KCNQ3: variants seen among roughly 807,000 people sequenced by gnomAD.
KCNQ3 encodes the protein potassium voltage-gated channel subfamily KQT member 3.
KCNQ3 carries 30 observed loss-of-function variants against 92.5 expected under a neutral mutation model. The observed-to-expected ratio is 0.32, with a 90% CI of 0.24 to 0.44. The LOEUF is 0.44. Ranked by LOEUF, KCNQ3 falls within the 20% of genes least tolerant of loss-of-function variation. The pLI is 1.00. For synonymous variants in KCNQ3, 450 were observed against 468.8 expected (o/e 0.96, Z 0.52); for missense variants, 913 against 1,140.3 (o/e 0.80, Z 2.87).
intron 1 of KCNQ3, among the ~76,000 whole-genome samples, chr8:132,345,195 T>C (rs1818649993): frequency 1.3e-5 from 2 of 152,314 alleles, no homozygotes; most frequent in African/African-American, 4.8e-5. Flanking sequence ...AGATCGGTGA[T>C]CTGGTTAAGT....
chr8:132,246,002 ATCAAGGGACCCTTCCAGAATC>A (rs1283639343), intron 1 of KCNQ3, among the ~76,000 whole-genome samples: 5 of 152,192 alleles, frequency 3.3e-5, no homozygotes, highest in Non-Finnish European at 5.9e-5. Context: ...TAAGGAGAAA[ATCAAGGGACCCTTCCAGAATC>A]TAGACACAGA....
chr8:132,313,407 T>C (rs1213662272), intron 1 of KCNQ3, among the ~76,000 whole-genome samples: 1 of 152,134 alleles, frequency 6.6e-6, no homozygotes, highest in Non-Finnish European at 1.5e-5. Flanking sequence ...ATTTATAACA[T>C]GAATGCAAAT....
chr8:132,356,854 CAG>C (rs1202836261), intron 1 of KCNQ3, among the ~76,000 whole-genome samples: 1 of 152,176 alleles, frequency 6.6e-6, no homozygotes, highest in African/African-American at 2.4e-5. Flanking sequence ...AGACAAAAAA[CAG>C]AGAGTGACGA....
intron 1 of KCNQ3, among the ~76,000 whole-genome samples, chr8:132,400,677 A>G (rs1820309361): frequency 6.6e-6 from 1 of 152,232 alleles, no homozygotes; most frequent in Non-Finnish European, 1.5e-5. Flanking sequence ...CTGTAAGGAA[A>G]ACAATCACAG....
At chr8:132,200,306 C>T (rs1827419600) in intron 1 of KCNQ3, among the ~76,000 whole-genome samples, 2 of 152,130 alleles carry the variant, frequency 1.3e-5, no homozygotes, top group Non-Finnish European at 1.5e-5. Context: ...TATTATGCCA[C>T]TGTATTTGTT....
intron 1 of KCNQ3, among the ~76,000 whole-genome samples, chr8:132,366,221 A>C (rs1249023272): frequency 2.0e-5 from 3 of 152,104 alleles, no homozygotes; most frequent in African/African-American, 7.2e-5. Flanking sequence ...GTTTATCCTT[A>C]GGTATTTTAT....
intron 1 of KCNQ3, among the ~76,000 whole-genome samples, chr8:132,467,760 TG>T (rs1822206349): frequency 6.6e-6 from 1 of 152,156 alleles, no homozygotes. Context: ...TGAGATAAAG[TG>T]AAAGACCCCA....
chr8:132,227,270 C>T (rs1343945433), intron 1 of KCNQ3, among the ~76,000 whole-genome samples: 1 of 151,954 alleles, frequency 6.6e-6, no homozygotes, highest in East Asian at 1.9e-4. Context: ...CCATGTTGGC[C>T]AGGATGGTCT....
chr8:132,368,407 C>A (rs151155469), intron 1 of KCNQ3, among the ~76,000 whole-genome samples: 1 of 152,240 alleles, frequency 6.6e-6, no homozygotes, highest in East Asian at 1.9e-4. Context: ...AATCCCAGCA[C>A]TTGAGGAAGC....
At chr8:132,182,483 C>T (rs143685708) in intron 3 of KCNQ3, among the ~76,000 whole-genome samples, 3,565 of 152,302 alleles carry the variant, frequency 0.023, 63 homozygotes, top group Non-Finnish European at 0.033. Context: ...ATGCTGAGGC[C>T]CAGCCTCATC....
intron 1 of KCNQ3, among the ~76,000 whole-genome samples, chr8:132,276,449 C>T (rs1270200062): frequency 6.6e-6 from 1 of 152,144 alleles, no homozygotes; most frequent in Non-Finnish European, 1.5e-5. Context: ...CACCTGGCTT[C>T]CCCTCCCCAG....
chr8:132,457,975 G>C (rs1006897365), intron 1 of KCNQ3, among the ~76,000 whole-genome samples: 2 of 152,172 alleles, frequency 1.3e-5, no homozygotes, highest in African/African-American at 4.8e-5. Flanking sequence ...CCATGGTCAT[G>C]AGCATGTCCA....
chr8:132,312,654 C>T (rs935152440), intron 1 of KCNQ3, among the ~76,000 whole-genome samples: 4 of 152,066 alleles, frequency 2.6e-5, no homozygotes, highest in African/African-American at 7.2e-5. Context: ...ATCATGGGGG[C>T]GGTTTCCCCC....
intron 1 of KCNQ3, among the ~76,000 whole-genome samples, chr8:132,346,256 A>T (rs1379581): frequency 6.6e-6 from 1 of 151,992 alleles, no homozygotes; most frequent in African/African-American, 2.4e-5. Context: ...TAAGCCACAT[A>T]TGGGTACCCT....
intron 1 of KCNQ3, among the ~76,000 whole-genome samples, chr8:132,238,548 C>A (rs1406739515): frequency 6.6e-6 from 1 of 152,144 alleles, no homozygotes; most frequent in Non-Finnish European, 1.5e-5. Context: ...TTTCTTCCTT[C>A]TTCAACTCTT....
At chr8:132,164,582 C>T (rs928669761) in intron 8 of KCNQ3, among the ~76,000 whole-genome samples, 11 of 152,126 alleles carry the variant, frequency 7.2e-5, no homozygotes, top group East Asian at 1.9e-4. Flanking sequence ...CCCATTTCCC[C>T]GCGAGCACAA....
intron 1 of KCNQ3, among the ~76,000 whole-genome samples, chr8:132,294,308 G>T (rs1816953690): frequency 6.6e-6 from 1 of 152,148 alleles, no homozygotes; most frequent in Non-Finnish European, 1.5e-5. Flanking sequence ...GCCCACTAAG[G>T]TATTTTTGAA....
At chr8:132,420,811 G>A (rs1449056964) in intron 1 of KCNQ3, among the ~76,000 whole-genome samples, 1 of 152,172 alleles carries the variant, frequency 6.6e-6, no homozygotes, top group Non-Finnish European at 1.5e-5. Flanking sequence ...GTCTCTAACT[G>A]GGGCTCTAGA....
chr8:132,470,851 G>A lies in KCNQ3; in HGVS notation c.386+9296C>T, dbSNP rs79854135. Among the ~76,000 whole-genome samples the A allele has an allele frequency of 6.9e-3, 1,046 of 152,288 alleles. 3 individuals are homozygous for A. The highest frequency in any genetic ancestry group is 0.011 in the Non-Finnish European group (764 of 68,020). On this transcript the variant is annotated intron_variant, in intron 1 of 14. Coordinates refer to ENST00000388996, the MANE Select transcript of KCNQ3 (RefSeq NM_004519.4). The stretch of plus-strand genomic sequence containing the variant: ...TCCATGACATGAAGCCTTTGGAAGA[G>A]ACCATTCCAGATATCCAGCAGGATG...
Sources: gnomAD v4.1 joint callset for allele counts (sites outside exome capture counted in the v4.1 genomes callset) on GRCh38, gnomAD v4.1.1 for gene constraint, MANE v1.5 for transcripts, NCBI Gene and HGNC (gene_info 2026-07-23, HGNC 2026-07-21) for gene names.